The following ZNF778 variants were observed in gnomAD, a reference collection of about 807,000 sequenced individuals.
The protein encoded by ZNF778 is zinc finger protein 778.
A neutral mutation model predicts 23.9 loss-of-function variants in ZNF778; 37 were observed. The ratio of observed to expected loss-of-function variants is 1.54; its 90% CI spans 1.19 to 2.03. The LOEUF (loss-of-function observed/expected upper bound fraction) is 2.03, where lower values mean the gene tolerates loss of function less well. Ranked by LOEUF, ZNF778 falls within the 30% of genes most tolerant of loss-of-function variation. ZNF778 has a pLI of 0.00. For synonymous variants in ZNF778, 483 were observed against 343.9 expected, an observed-to-expected ratio of 1.40 and a Z score of -4.48; for missense variants, 1,297 against 934.4, an observed-to-expected ratio of 1.39 and a Z score of -5.06.
Position 89,233,929 on chromosome 16 carries a change from T to C in ZNF778, c.*5367T>C, listed in dbSNP as rs1443708734. The C allele has an allele frequency of 7.8e-6, 10 of 1,288,278 alleles. No individual in the cohort carries two copies. Among genetic ancestry groups the C allele is most frequent in the Non-Finnish European group, 1.0e-5 (10 of 987,810 alleles). 79.8% of individuals were successfully genotyped at this position (1,288,278 alleles called of 1,614,324 possible). A position where few individuals can be genotyped will look rare whatever the true frequency, so the allele number is the denominator to read the frequency against. On this transcript the variant is annotated 3_prime_UTR_variant, in exon 7 of 7. Transcript: ENST00000433976. ...GGATGAGGCACTAGACAGCAGGACA[T>C]GCTGTATGCCCTTGGGCCTGCTGGA...
At chr16:89,225,111 GTTTTTTTT>G (rs540637883) in intron 5 of ZNF778, among the ~76,000 whole-genome samples, 1 of 33,856 alleles carries the variant, frequency 3.0e-5, no homozygotes, top group African/African-American at 1.0e-4. Flanking sequence ...CAGTTTGTGG[GTTTTTTTT>G]TTTTTTTTTT....
At position 89,226,895 on chromosome 16, in the gene ZNF778, T is replaced by C. The variant is rs191555559; in HGVS notation, c.607T>C (p.Cys203Arg). The change falls in exon 7 of 7, where the codon TGT becomes CGT. Residue 203 changes from cysteine to arginine, a missense_variant. Physicochemically the swap from Cys to Arg is radical, Grantham distance 180. Coordinates refer to ENST00000433976, the MANE Select transcript of ZNF778 (RefSeq NM_001201407.2). ...IGEQFSVLGQCGKAFSSTPNV... is the reference protein window; with the variant it reads ...IGEQFSVLGQRGKAFSSTPNV... Reference sequence around the variant, plus strand: ...AGAGCAGTTTTCCGTGTTGGGTCAGTGTGGAAAAGCCTTCAGCTCTACTCC... The same window carrying C: ...AGAGCAGTTTTCCGTGTTGGGTCAGCGTGGAAAAGCCTTCAGCTCTACTCC... The C allele has an allele frequency of 2.8e-5, 46 of 1,614,044 alleles. No homozygotes were observed. In the East Asian group the frequency reaches 9.6e-4, roughly 34 times the overall value.
chr16:89,222,252 G>A, intron 3 of ZNF778, 69 bp downstream of exon 3: 1 of 1,274,712 alleles, frequency 7.8e-7, no homozygotes. Context: ...GTTTCTGTCT[G>A]AGCAGACTTG....
Position 89,223,173 on chromosome 16 carries a change from A to G in ZNF778, c.134A>G (p.Asp45Gly), listed in dbSNP as rs201527905. ...INCYQDAVTF[D>G]DVAVDFTQEE... is the part of the protein sequence containing the mutation. Reference sequence around the variant, plus strand: ...ATGATTTAGGACGCGGTGACCTTTGACGACGTGGCTGTGGACTTCACCCAG... The same window carrying G: ...ATGATTTAGGACGCGGTGACCTTTGGCGACGTGGCTGTGGACTTCACCCAG... Residue 45 changes from aspartate to glycine, a missense_variant, in exon 4 of 7, where the codon GAC becomes GGC. Asp to Gly is a moderately conservative substitution (Grantham distance 94). Coordinates refer to ENST00000433976, the MANE Select transcript of ZNF778 (RefSeq NM_001201407.2). 3 of 1,613,722 alleles carry G rather than the reference A, an allele frequency of 1.9e-6. No homozygotes were observed. Among genetic ancestry groups the G allele is most frequent in the Middle Eastern group, 1.7e-4 (1 of 6,056 alleles).
chr16:89,234,195 C>T lies in ZNF778; in HGVS notation c.*5633C>T. On this transcript the variant is annotated 3_prime_UTR_variant, in exon 7 of 7. Coordinates refer to ENST00000433976, the MANE Select transcript of ZNF778 (RefSeq NM_001201407.2). Reference sequence around the variant, plus strand: ...TTGACGAGTCCGCGTCTAGGCCCCACCAGTGGTGTGGTTTTCCTCATAGTC... The same window carrying T: ...TTGACGAGTCCGCGTCTAGGCCCCATCAGTGGTGTGGTTTTCCTCATAGTC... The T allele has an allele frequency of 2.7e-6, 1 of 376,942 alleles. No homozygotes were observed. The highest frequency in any genetic ancestry group is 5.2e-6 in the Non-Finnish European group (1 of 191,664). The allele number at this position is 376,942 out of a possible 1,614,324, so 23.3% of individuals were successfully genotyped here.
chr16:89,233,621 T>A lies in ZNF778; in HGVS notation c.*5059T>A, dbSNP rs1567516393. The A allele has an allele frequency of 2.7e-5, 30 of 1,130,482 alleles. No individual in the cohort carries two copies. The highest frequency in any genetic ancestry group is 3.3e-5 in the Non-Finnish European group (29 of 866,522). 70.0% of individuals were successfully genotyped at this position (1,130,482 alleles called of 1,614,324 possible). A position where few individuals can be genotyped will look rare whatever the true frequency, so the allele number is the denominator to read the frequency against. On this transcript the variant is annotated 3_prime_UTR_variant, in exon 7 of 7. Transcript: ENST00000433976. The stretch of plus-strand genomic sequence containing the variant: ...ACTCATACTGCATATGCAACTCAAC[T>A]CACACTGTATGCAACTCAGCTCGCT...
rs1406575209 is a variant in ZNF778 at position 89,227,428 on chromosome 16, G to T, written c.1140G>T (p.Leu380=). The T allele has an allele frequency of 1.2e-6, 2 of 1,613,782 alleles. No homozygotes were observed. Among genetic ancestry groups the T allele is most frequent in the African/African-American group, 1.3e-5 (1 of 74,968 alleles). ...AAGCCTGCGGTGGGTTTTATCTACT[G>T]AATGAGCATGGAAAAACTCACACGA... The part of the protein sequence containing the change: ...CGKACGGFYL[L]NEHGKTHTRE... Residue 380 remains leucine, a synonymous_variant, in exon 7 of 7, where the codon CTG becomes CTT. Coordinates refer to ENST00000433976, the MANE Select transcript of ZNF778 (RefSeq NM_001201407.2).
rs953494581 is a variant in ZNF778, at chr16:89,236,770, T to G, written c.*8208T>G. On this transcript the variant is annotated 3_prime_UTR_variant, in exon 7 of 7. Transcript: ENST00000433976. ...CTGGAAAAGCTAAGTCTGTATATTT[T>G]AATTACTAAAGAAGTGTACAGCTGG... is the stretch of plus-strand genomic sequence containing the variant. 1 of 152,226 alleles carries G rather than the reference T, an allele frequency of 6.6e-6. No individual in the cohort carries two copies. Among genetic ancestry groups the G allele is most frequent in the African/African-American group, 2.4e-5 (1 of 41,456 alleles). The allele number at this position is 152,226 out of a possible 1,614,324, so 9.4% of individuals were successfully genotyped here. A position where few individuals can be genotyped will look rare whatever the true frequency, so the allele number is the denominator to read the frequency against.
In ZNF778 at chr16:89,227,738, A is replaced by G. The variant is rs1297301262; in HGVS notation, c.1450A>G (p.Lys484Glu). 1.2e-6 allele frequency: 2 copies of G among 1,614,136 alleles called. No homozygotes were observed. Among genetic ancestry groups the G allele is most frequent in the South Asian group, 2.2e-5 (2 of 91,082 alleles). Residue 484 changes from lysine (K) to glutamate (E), a missense_variant, in exon 7 of 7, where the codon AAA (lysine) becomes GAA (glutamate). Coordinates refer to ENST00000433976, the MANE Select transcript of ZNF778 (RefSeq NM_001201407.2). ...EKPYECKDCGKSFTVSSSLTE... is the reference protein window; with the variant it reads ...EKPYECKDCGESFTVSSSLTE... ...ACCATATGAATGTAAAGATTGTGGG[A>G]AATCCTTCACTGTTTCTTCAAGCCT...
rs1021363486 is a variant in ZNF778, at chr16:89,233,695, A to G, written c.*5133A>G. On this transcript the variant is annotated 3_prime_UTR_variant, in exon 7 of 7. Coordinates refer to ENST00000433976, the MANE Select transcript of ZNF778 (RefSeq NM_001201407.2). ...CTGCGTATGCAAATCAACTTACTGC[A>G]TATGCAACTCAACTCACTGCGTATG... The G allele has an allele frequency of 8.9e-5, 113 of 1,274,006 alleles. 2 individuals are homozygous for G. In the South Asian group the frequency reaches 1.2e-3, roughly 14 times the overall value. The allele number at this position is 1,274,006 out of a possible 1,614,324, so 78.9% of individuals were successfully genotyped here.
In ZNF778 at chr16:89,227,850, C is replaced by A. The variant is rs779076935; in HGVS notation, c.1562C>A (p.Thr521Asn). ...GKAFTGRSGL[T>N]KHMRTHTGEK... ...GCCTTCACAGGGCGCTCAGGCCTCA[C>A]TAAACACATGCGGACACACACCGGG... The change falls in exon 7 of 7, where the codon ACT becomes AAT. Residue 521 changes from threonine (T) to asparagine (N), a missense_variant. Thr to Asn is a moderately conservative substitution (Grantham distance 65). Transcript: ENST00000433976. 10 of 1,613,912 alleles carry A rather than the reference C, an allele frequency of 6.2e-6. No individual in the cohort carries two copies. The East Asian group carries it at 2.0e-4, about 32-fold the overall frequency.
intron 4 of ZNF778, among the ~76,000 whole-genome samples, chr16:89,224,358 C>G (rs2031269890): frequency 6.6e-6 from 1 of 152,190 alleles, no homozygotes; most frequent in African/African-American, 2.4e-5. Context: ...GTGGCTCATG[C>G]CTGTAATCCT....
chr16:89,222,371 T>C (rs924169627), intron 3 of ZNF778, among the ~76,000 whole-genome samples, 188 bp downstream of exon 3: 1 of 147,954 alleles, frequency 6.8e-6, no homozygotes, highest in Non-Finnish European at 1.5e-5. Context: ...TCAGTGTTAC[T>C]TTTTTTTTTT....
In ZNF778 at chr16:89,221,230, G is replaced by A. The variant is rs1292630192; in HGVS notation, c.25+78G>A. ...CAGTGTGTGTATCAGGCCCATGGAC[G>A]GGGCCTGAGTAGTCACGCTCCGGGT... On this transcript the variant is annotated intron_variant, in intron 2 of 6. Coordinates refer to ENST00000433976, the MANE Select transcript of ZNF778 (RefSeq NM_001201407.2). The A allele has an allele frequency of 7.5e-6, 11 of 1,468,530 alleles. No homozygotes were observed. In the African/African-American group the frequency reaches 8.4e-5, roughly 11 times the overall value. The allele number at this position is 1,468,530 out of a possible 1,614,324, so 91.0% of individuals were successfully genotyped here. A position where few individuals can be genotyped will look rare whatever the true frequency, so the allele number is the denominator to read the frequency against.
Position 89,227,154 on chromosome 16 carries a change from C to G in ZNF778, c.866C>G (p.Ala289Gly). 1 of 1,613,994 alleles carries G rather than the reference C, an allele frequency of 6.2e-7. No homozygotes were observed. The highest frequency in any genetic ancestry group is 8.5e-7 in the Non-Finnish European group (1 of 1,179,892). The change falls in exon 7 of 7, where the codon GCC becomes GGC. Residue 289 changes from alanine (A) to glycine (G), a missense_variant. By Grantham distance (60) the Ala-to-Gly change is moderately conservative. Coordinates refer to ENST00000433976, the MANE Select transcript of ZNF778 (RefSeq NM_001201407.2). Reference protein sequence around the residue: ...NPHVCRECGKAFRYTAYLTGR... With the variant: ...NPHVCRECGKGFRYTAYLTGR... ...CACGTATGTAGGGAATGTGGGAAGG[C>G]CTTTAGGTACACTGCCTACCTTACT... is the stretch of plus-strand genomic sequence containing the variant.
chr16:89,232,493 A>T lies in ZNF778; in HGVS notation c.*3931A>T. ...GCAGGACTGCAAGTACTGGTTAGGC[A>T]GATACCTGTATTTCTCTTCCTAACT... On this transcript the variant is annotated 3_prime_UTR_variant, in exon 7 of 7. Coordinates refer to ENST00000433976, the MANE Select transcript of ZNF778 (RefSeq NM_001201407.2). 1 of 521,978 alleles carries T rather than the reference A, an allele frequency of 1.9e-6. No individual in the cohort carries two copies. Among genetic ancestry groups the T allele is most frequent in the Non-Finnish European group, 3.0e-6 (1 of 336,698 alleles). 32.3% of individuals were successfully genotyped at this position (521,978 alleles called of 1,614,324 possible).
In ZNF778 at chr16:89,233,785, G is replaced by A. The variant is rs528045660; in HGVS notation, c.*5223G>A. ...GCGTATGCAACTCAACTCGCACTGC[G>A]TATGCAACTCAGCTCGCACTGCGTA... On this transcript the variant is annotated 3_prime_UTR_variant, in exon 7 of 7. Transcript: ENST00000433976. 12 of 1,264,546 alleles carry A rather than the reference G, an allele frequency of 9.5e-6. No individual in the cohort carries two copies. The highest frequency in any genetic ancestry group is 1.1e-5 in the Non-Finnish European group (11 of 969,626). 78.3% of individuals were successfully genotyped at this position (1,264,546 alleles called of 1,614,324 possible).
chr16:89,229,220 G>C lies in ZNF778; in HGVS notation c.*658G>C. Reference sequence around the variant, plus strand: ...TCCTGTGTGAGCAGTGTAGGCTCTGGTTGGTTAGTCTTGAGGATCCAGATG... The same window carrying C: ...TCCTGTGTGAGCAGTGTAGGCTCTGCTTGGTTAGTCTTGAGGATCCAGATG... On this transcript the variant is annotated 3_prime_UTR_variant, in exon 7 of 7. Transcript: ENST00000433976. 1.0e-6 allele frequency: 1 copy of C among 985,648 alleles called. No individual in the cohort carries two copies. The highest frequency in any genetic ancestry group is 4.7e-5 in the South Asian group (1 of 21,300). The allele number at this position is 985,648 out of a possible 1,614,324, so 61.1% of individuals were successfully genotyped here. A position where few individuals can be genotyped will look rare whatever the true frequency, so the allele number is the denominator to read the frequency against.
Position 89,227,409 on chromosome 16 carries a change from G to T in ZNF778, c.1121G>T (p.Cys374Phe), listed in dbSNP as rs1278158947. 1 of 1,611,420 alleles carries T rather than the reference G, an allele frequency of 6.2e-7. No individual in the cohort carries two copies. The highest frequency in any genetic ancestry group is 1.1e-5 in the South Asian group (1 of 90,556). Residue 374 changes from cysteine (C) to phenylalanine (F), a missense_variant, in exon 7 of 7, where the codon TGC becomes TTC. Cys to Phe is a radical substitution (Grantham distance 205). Coordinates refer to ENST00000433976, the MANE Select transcript of ZNF778 (RefSeq NM_001201407.2). ...PYECKDCGKA[C>F]GGFYLLNEHG... Reference sequence around the variant, plus strand: ...GAATGTAAGGACTGTGGGAAAGCCTGCGGTGGGTTTTATCTACTGAATGAG... The same window carrying T: ...GAATGTAAGGACTGTGGGAAAGCCTTCGGTGGGTTTTATCTACTGAATGAG...
Sources: gnomAD v4.1 joint callset for allele counts (sites outside exome capture counted in the v4.1 genomes callset) on GRCh38, gnomAD v4.1.1 for gene constraint, MANE v1.5 for transcripts, NCBI Gene and HGNC (gene_info 2026-07-23, HGNC 2026-07-21) for gene names.